DPP6: variants seen among roughly 807,000 people sequenced by gnomAD.
DPP6 encodes the protein A-type potassium channel modulatory protein DPP6.
In DPP6, 69 loss-of-function variants were observed where a neutral mutation model predicts 122.6. The observed-to-expected ratio is 0.56, with a 90% CI of 0.46 to 0.69. DPP6 has a LOEUF of 0.69. DPP6 is among the 30% of genes least tolerant of loss of function. DPP6 has a pLI of 0.00. For missense variants in DPP6, 928 were observed against 1,116.9 expected (o/e 0.83, Z 2.41); for synonymous variants, 418 against 433.1 (o/e 0.97, Z 0.43).
At position 154,173,680 on chromosome 7, in the gene DPP6, C is replaced by T. The variant is rs1418915490; in HGVS notation, c.243+120617C>T. Among the ~76,000 whole-genome samples the T allele has an allele frequency of 4.6e-5, 7 of 152,174 alleles. No individual in the cohort carries two copies. The South Asian group carries it at 1.2e-3, about 27-fold the overall frequency. On this transcript the variant is annotated intron_variant, in intron 1 of 25. Transcript: ENST00000377770. ...TGTGCATCTGAGGGACTCCTCTGGA[C>T]GTCAGCTGCCACATCTGTGTTATTG...
chr7:154,120,933 C>A (rs901857034), intron 1 of DPP6, among the ~76,000 whole-genome samples: 1 of 152,142 alleles, frequency 6.6e-6, no homozygotes, highest in African/African-American at 2.4e-5. Flanking sequence ...GTAATAATCC[C>A]CACAGGTCAA....
At chr7:154,453,684 C>T (rs756021673) in intron 2 of DPP6, among the ~76,000 whole-genome samples, 1 of 152,044 alleles carries the variant, frequency 6.6e-6, no homozygotes, top group African/African-American at 2.4e-5. Flanking sequence ...CGGAAAGCCC[C>T]CCAGGCCCTT....
chr7:154,819,497 T>C (rs2150493480), intron 16 of DPP6, among the ~76,000 whole-genome samples: 1 of 152,296 alleles, frequency 6.6e-6, no homozygotes, highest in South Asian at 2.1e-4. Flanking sequence ...TTTATCCTTG[T>C]TGCCCCAGCT....
chr7:154,015,625 G>A (rs771738041), intron 1 of DPP6, among the ~76,000 whole-genome samples: 3 of 152,140 alleles, frequency 2.0e-5, no homozygotes, highest in Non-Finnish European at 4.4e-5. Flanking sequence ...AAGCCCTGGA[G>A]TTGTCGTTCG....
chr7:154,160,048 G>A (rs1285470043), intron 1 of DPP6, among the ~76,000 whole-genome samples: 12 of 152,250 alleles, frequency 7.9e-5, no homozygotes, highest in South Asian at 2.1e-4. Flanking sequence ...GGGTCAAGGC[G>A]GCAGTGAGCC....
chr7:153,782,630 C>G, the DPP6 span, among the ~76,000 whole-genome samples: 5 of 152,186 alleles, frequency 3.3e-5, no homozygotes, highest in African/African-American at 1.2e-4. Context: ...TTTTCAAGTA[C>G]AGATGTGCTG....
chr7:153,976,203 A>C (rs1304561562), intron 1 of DPP6, among the ~76,000 whole-genome samples: 17 of 152,164 alleles, frequency 1.1e-4, no homozygotes, highest in Non-Finnish European at 4.4e-5. Context: ...TTGAAAGAAA[A>C]AGAAGCCAGG....
chr7:154,466,542 A>G (rs755992797), intron 2 of DPP6, among the ~76,000 whole-genome samples: 18 of 152,278 alleles, frequency 1.2e-4, no homozygotes, highest in African/African-American at 4.3e-4. Flanking sequence ...AGAGAGGAAA[A>G]TAGAGCTCTT....
intron 1 of DPP6, among the ~76,000 whole-genome samples, chr7:153,970,295 G>T (rs1475166934): frequency 1.3e-5 from 2 of 152,180 alleles, no homozygotes; most frequent in African/African-American, 4.8e-5. Flanking sequence ...TTTGCCACCT[G>T]TAACTTCACT....
chr7:154,618,607 G>T lies in DPP6; in HGVS notation c.628-19214G>T, dbSNP rs1339398876. Among the ~76,000 whole-genome samples, 1 of 152,162 alleles carries T rather than the reference G, an allele frequency of 6.6e-6. No homozygotes were observed. Among genetic ancestry groups the T allele is most frequent in the Admixed American group, 6.5e-5 (1 of 15,280 alleles). ...CCACAGAGTTTATGATGTGCTCAGA[G>T]CCACGCACAGGATCGCTAGAAGCCG... On this transcript the variant is annotated intron_variant, in intron 5 of 25. Coordinates refer to ENST00000377770, the MANE Select transcript of DPP6 (RefSeq NM_130797.4). This position sits in a 1 kb window ranked among gnomAD's most constrained non-coding sequence, Gnocchi z 4.1.
intron 16 of DPP6, among the ~76,000 whole-genome samples, chr7:154,835,260 C>T (rs756209709): frequency 1.6e-4 from 25 of 152,102 alleles, no homozygotes; most frequent in Non-Finnish European, 3.4e-4. Flanking sequence ...GGGAGGCAGA[C>T]GCTGCTGTGC....
At chr7:154,225,197 G>T (rs1317013537) in intron 1 of DPP6, among the ~76,000 whole-genome samples, 1 of 152,016 alleles carries the variant, frequency 6.6e-6, no homozygotes, top group African/African-American at 2.4e-5. Flanking sequence ...TGATTTCAGA[G>T]TAAGCATATC....
At chr7:153,797,713 A>G in the DPP6 span, among the ~76,000 whole-genome samples, 1 of 151,884 alleles carries the variant, frequency 6.6e-6, no homozygotes, top group Non-Finnish European at 1.5e-5. Flanking sequence ...AAGCTGGAAA[A>G]CCCAAGATCA....
At chr7:154,630,192 G>T (rs1835321408) in intron 5 of DPP6, among the ~76,000 whole-genome samples, 1 of 152,126 alleles carries the variant, frequency 6.6e-6, no homozygotes, top group South Asian at 2.1e-4. Context: ...CTACTCCAGA[G>T]CTACACCTAG....
intron 1 of DPP6, among the ~76,000 whole-genome samples, chr7:154,011,697 C>CA (rs1798164330): frequency 6.6e-6 from 1 of 151,992 alleles, no homozygotes; most frequent in Non-Finnish European, 1.5e-5. Flanking sequence ...GGCTGTCCAA[C>CA]AAAAAAAGCG....
chr7:154,125,038 C>T (rs530300430), intron 1 of DPP6, among the ~76,000 whole-genome samples: 37 of 152,308 alleles, frequency 2.4e-4, no homozygotes, highest in African/African-American at 8.9e-4. Context: ...GAAAAGATGA[C>T]GTTCCAACAG....
chr7:154,380,922 G>A (rs550110046), intron 1 of DPP6, among the ~76,000 whole-genome samples: 15 of 152,338 alleles, frequency 9.8e-5, no homozygotes, highest in African/African-American at 3.4e-4. Context: ...GGTGAGGAGA[G>A]ATGGTGTTAT....
intron 3 of DPP6, among the ~76,000 whole-genome samples, chr7:154,495,454 G>T (rs1317893673): frequency 6.6e-6 from 1 of 151,364 alleles, no homozygotes; most frequent in Non-Finnish European, 1.5e-5. Context: ...AGGCTAAAGT[G>T]CAGTGGCTCA....
chr7:154,678,501 C>A (rs1839071267), intron 7 of DPP6, among the ~76,000 whole-genome samples: 1 of 152,080 alleles, frequency 6.6e-6, no homozygotes, highest in African/African-American at 2.4e-5. Flanking sequence ...GTCACCAAGA[C>A]CACGAACCCA....
Sources: gnomAD v4.1 joint callset for allele counts (sites outside exome capture counted in the v4.1 genomes callset) on GRCh38, gnomAD v4.1.1 for gene constraint, Gnocchi (gnomAD v3.1) non-coding constraint, MANE v1.5 for transcripts, NCBI Gene and HGNC (gene_info 2026-07-23, HGNC 2026-07-21) for gene names.